The following TNRC6A variants were observed in gnomAD, a reference collection of about 807,000 sequenced individuals.
TNRC6A encodes the protein trinucleotide repeat containing adaptor 6A.
Under a neutral mutation model 221.2 loss-of-function variants are expected in TNRC6A, and 44 were observed. The ratio of observed to expected loss-of-function variants is 0.20; its 90% CI spans 0.16 to 0.26. The LOEUF is 0.26. Among genes scored for constraint, TNRC6A ranks in the 10% least tolerant of loss-of-function variants. The probability of loss-of-function intolerance (pLI) is 1.00; values close to 1 mark genes in which losing one functional copy is unlikely to be tolerated. For missense variants in TNRC6A, 2,199 were observed against 2,404.4 expected (o/e 0.91, Z 1.79); for synonymous variants, 847 against 838.5 (o/e 1.01, Z -0.18).
At chr16:24,753,348 C>T (rs1406580278) in intron 3 of TNRC6A, among the ~76,000 whole-genome samples, 1 of 152,134 alleles carries the variant, frequency 6.6e-6, no homozygotes, top group Non-Finnish European at 1.5e-5. Flanking sequence ...TAGGGTATTC[C>T]TGTGTGTCTC....
Position 24,732,580 on chromosome 16 carries a change from T to C in TNRC6A, c.53+2280T>C, listed in dbSNP as rs538080447. Among the ~76,000 whole-genome samples the C allele has an allele frequency of 5.3e-5, 8 of 152,340 alleles. No individual in the cohort carries two copies. The South Asian group carries it at 1.0e-3, about 20-fold the overall frequency. ...TTGGAGGAGACCATATCACTGGTAATTGGAGTAACTTTTTAGGCTTCGAAC... is the reference window on the plus strand; with the variant it reads ...TTGGAGGAGACCATATCACTGGTAACTGGAGTAACTTTTTAGGCTTCGAAC... On this transcript the variant is annotated intron_variant, in intron 2 of 24. Coordinates refer to ENST00000395799, the MANE Select transcript of TNRC6A (RefSeq NM_014494.4).
At chr16:24,794,440 G>T in intron 7 of TNRC6A, 104 bp from the exon 8 acceptor site, 1 of 1,206,046 alleles carries the variant, frequency 8.3e-7, no homozygotes, top group Middle Eastern at 2.1e-4. Flanking sequence ...GTGCACGTGT[G>T]TGTTTTCTTA....
intron 2 of TNRC6A, among the ~76,000 whole-genome samples, chr16:24,682,750 G>A (rs905223305): frequency 1.3e-5 from 2 of 152,110 alleles, no homozygotes; most frequent in Admixed American, 1.3e-4. Flanking sequence ...CAGAGAAGCA[G>A]CCAGAGAATA....
chr16:24,647,768 T>C (rs747803987), intron 2 of TNRC6A, among the ~76,000 whole-genome samples: 6 of 152,138 alleles, frequency 3.9e-5, no homozygotes, highest in African/African-American at 9.7e-5. Context: ...CGCGCCACCA[T>C]GCCTGGCTAA....
chr16:24,797,786 C>A, intron 10 of TNRC6A, 129 bp from the exon 11 acceptor site: 2 of 872,076 alleles, frequency 2.3e-6, no homozygotes, highest in Non-Finnish European at 3.4e-6. Context: ...TTACATTAGG[C>A]AGTGAAAAAT....
intron 1 of TNRC6A, among the ~76,000 whole-genome samples, chr16:24,632,574 G>A (rs1180137133): frequency 6.6e-6 from 1 of 152,012 alleles, no homozygotes; most frequent in East Asian, 1.9e-4. Flanking sequence ...CTCCCAACTG[G>A]CCCCTCAGCT....
At chr16:24,737,075 G>A (rs1194328793) in intron 2 of TNRC6A, among the ~76,000 whole-genome samples, 9 of 152,124 alleles carry the variant, frequency 5.9e-5, no homozygotes, top group Admixed American at 2.6e-4. Flanking sequence ...ACCAGACCAA[G>A]GGTTCTCATC....
chr16:24,610,874 A>C (rs1900018506), intron 1 of TNRC6A, among the ~76,000 whole-genome samples: 1 of 151,822 alleles, frequency 6.6e-6, no homozygotes, highest in Admixed American at 6.6e-5. Context: ...GCAGTGGCGC[A>C]ATCTCGGCTC....
At chr16:24,762,133 G>A (rs138860098) in intron 4 of TNRC6A, among the ~76,000 whole-genome samples, 6 of 152,292 alleles carry the variant, frequency 3.9e-5, no homozygotes, top group African/African-American at 1.4e-4. Flanking sequence ...TTTTTTGGGT[G>A]ATAAAATAGC....
rs768701290 is a variant in TNRC6A, at chr16:24,791,237, T to C, written c.2595T>C (p.His865=). The part of the protein sequence containing the change: ...DNWGETSRNN[H]WGEANKKSSS... Reference sequence around the variant, plus strand: ...GGGGAGAAACTTCAAGGAATAACCATTGGGGTGAGGCCAATAAGAAATCCA... The same window carrying C: ...GGGGAGAAACTTCAAGGAATAACCACTGGGGTGAGGCCAATAAGAAATCCA... Residue 865 remains histidine (H), a synonymous_variant, in exon 6 of 25, where the codon CAT becomes CAC. Coordinates refer to ENST00000395799, the MANE Select transcript of TNRC6A (RefSeq NM_014494.4). 18 of 1,614,046 alleles carry C rather than the reference T, an allele frequency of 1.1e-5. No homozygotes were observed. Among genetic ancestry groups the C allele is most frequent in the South Asian group, 2.2e-5 (2 of 91,086 alleles).
At chr16:24,820,709 G>T (rs1053121103) in intron 22 of TNRC6A, among the ~76,000 whole-genome samples, 1 of 152,212 alleles carries the variant, frequency 6.6e-6, no homozygotes, top group Non-Finnish European at 1.5e-5. Context: ...AAGACTAGGG[G>T]GGTAGCTTGG....
chr16:24,718,060 G>T (rs919048603), intron 2 of TNRC6A, among the ~76,000 whole-genome samples: 1 of 152,136 alleles, frequency 6.6e-6, no homozygotes. Context: ...CTACAGGCAT[G>T]TGCCCCCACG....
chr16:24,788,734 C>T (rs1209284451), intron 5 of TNRC6A, among the ~76,000 whole-genome samples: 1 of 151,810 alleles, frequency 6.6e-6, no homozygotes, highest in Admixed American at 6.6e-5. Flanking sequence ...CTGCAAGCTC[C>T]GCCTCCCGGG....
At chr16:24,640,078 G>A (rs868265717) in intron 1 of TNRC6A, among the ~76,000 whole-genome samples, 1 of 152,188 alleles carries the variant, frequency 6.6e-6, no homozygotes, top group South Asian at 2.1e-4. Flanking sequence ...ATAGTTGGGT[G>A]GGGGAGTCTT....
chr16:24,680,261 A>G (rs78418084), intron 2 of TNRC6A, among the ~76,000 whole-genome samples: 1 of 146,692 alleles, frequency 6.8e-6, no homozygotes, highest in East Asian at 2.0e-4. Flanking sequence ...CTTTATGCAG[A>G]AAAAAAAAAA....
intron 2 of TNRC6A, among the ~76,000 whole-genome samples, chr16:24,716,430 A>T (rs903673845): frequency 3.3e-5 from 5 of 152,176 alleles, no homozygotes; most frequent in African/African-American, 9.7e-5. Flanking sequence ...GCACTTTGGG[A>T]GTCCAAGGCG....
intron 7 of TNRC6A, 117 bp from the exon 8 acceptor site, chr16:24,794,427 A>C (rs1337310841): frequency 1.0e-6 from 1 of 968,906 alleles, no homozygotes; most frequent in Non-Finnish European, 1.5e-6. Context: ...AAGGGAAATA[A>C]GTGTGCACGT....
chr16:24,691,506 C>T (rs981997968), intron 2 of TNRC6A, among the ~76,000 whole-genome samples: 1 of 152,134 alleles, frequency 6.6e-6, no homozygotes, highest in African/African-American at 2.4e-5. Flanking sequence ...CGGTGGCTCA[C>T]ACCTGTAATC....
chr16:24,762,586 C>A (rs146180343), intron 4 of TNRC6A, among the ~76,000 whole-genome samples: 2 of 152,172 alleles, frequency 1.3e-5, no homozygotes, highest in Non-Finnish European at 2.9e-5. Context: ...CTGGGACTCA[C>A]GTAGTCTATA....
Sources: allele counts gnomAD v4.1 joint callset (sites outside exome capture counted in the v4.1 genomes callset), GRCh38; gene constraint gnomAD v4.1.1; transcripts MANE v1.5; gene names NCBI Gene and HGNC (gene_info 2026-07-23, HGNC 2026-07-21).